PPP2R5E: variants seen among roughly 807,000 people sequenced by gnomAD.
The protein encoded by PPP2R5E is serine/threonine-protein phosphatase 2A 56 kDa regulatory subunit epsilon isoform.
PPP2R5E carries 4 observed loss-of-function variants against 65.3 expected under a neutral mutation model. The ratio of observed to expected loss-of-function variants is 0.06; its 90% CI spans 0.03 to 0.14. The LOEUF (loss-of-function observed/expected upper bound fraction) is 0.14. PPP2R5E is among the 10% of genes least tolerant of loss of function. The probability of loss-of-function intolerance (pLI) is 1.00; values close to 1 mark genes in which losing one functional copy is unlikely to be tolerated. For synonymous variants in PPP2R5E, 183 were observed against 187.4 expected, an observed-to-expected ratio of 0.98 and a Z score of 0.19; for missense variants, 274 against 556.1, an observed-to-expected ratio of 0.49 and a Z score of 5.10.
rs17825081 is a variant in PPP2R5E at position 63,459,402 on chromosome 14, G to A, written c.158-5517C>T. Among the ~76,000 whole-genome samples, 1,227 of 152,204 alleles carry A rather than the reference G, an allele frequency of 8.1e-3. 45 individuals are homozygous for A. In the East Asian group the frequency reaches 0.11, roughly 14 times the overall value. On this transcript the variant is annotated intron_variant, in intron 2 of 13. Transcript: ENST00000337537. The stretch of plus-strand genomic sequence containing the variant: ...TTGCTTTTGACACCAGTAAATCACA[G>A]ATATAACCAACAATATTTCCTCAAA...
At chr14:63,455,556 C>G (rs1422149841) in intron 2 of PPP2R5E, among the ~76,000 whole-genome samples, 1 of 152,086 alleles carries the variant, frequency 6.6e-6, no homozygotes, top group African/African-American at 2.4e-5. Flanking sequence ...CCTATGCCCC[C>G]CTGGATTTAA....
intron 2 of PPP2R5E, among the ~76,000 whole-genome samples, chr14:63,495,256 G>T (rs1891491084): frequency 6.8e-6 from 1 of 147,544 alleles, no homozygotes; most frequent in Non-Finnish European, 1.5e-5. Context: ...GAGAGAAAGA[G>T]TACAGTACTA....
At chr14:63,521,914 G>A (rs1405433422) in intron 2 of PPP2R5E, among the ~76,000 whole-genome samples, 1 of 151,798 alleles carries the variant, frequency 6.6e-6, no homozygotes, top group East Asian at 1.9e-4. Flanking sequence ...AGAGGCTGAA[G>A]TGAAGTTACA....
At chr14:63,525,501 G>A (rs1300464979) in intron 2 of PPP2R5E, among the ~76,000 whole-genome samples, 1 of 152,226 alleles carries the variant, frequency 6.6e-6, no homozygotes. Flanking sequence ...TCTACAGAGA[G>A]AGATGACAAA....
chr14:63,471,823 C>G (rs551480959), intron 2 of PPP2R5E, among the ~76,000 whole-genome samples: 5 of 152,168 alleles, frequency 3.3e-5, no homozygotes, highest in Non-Finnish European at 7.3e-5. Flanking sequence ...CATCTAATAT[C>G]TACAACGTAC....
chr14:63,399,601 T>C (rs1885630181), intron 5 of PPP2R5E, among the ~76,000 whole-genome samples: 1 of 151,890 alleles, frequency 6.6e-6, no homozygotes, highest in Non-Finnish European at 1.5e-5. Flanking sequence ...AACCACTAAA[T>C]TGGAAACTTT....
rs375854602 is a variant in PPP2R5E, at chr14:63,389,701, A to G, written c.985T>C (p.Leu329=). 16 of 1,610,050 alleles carry G rather than the reference A, an allele frequency of 9.9e-6. No individual in the cohort carries two copies. Among genetic ancestry groups the G allele is most frequent in the African/African-American group, 1.3e-5 (1 of 74,722 alleles). The change falls in exon 11 of 14, where the codon TTG becomes CTG. Residue 329 remains leucine, a synonymous_variant. Coordinates refer to ENST00000337537, the MANE Select transcript of PPP2R5E (RefSeq NM_006246.5). The part of the protein sequence containing the change: ...VMFLGELEEI[L]DVIEPSQFVK... ...AATTGTGAAGGTTCAATCACATCCAATATTTCTTCCAGTTCCCCAAGGAAC... is the reference window on the plus strand; with the variant it reads ...AATTGTGAAGGTTCAATCACATCCAGTATTTCTTCCAGTTCCCCAAGGAAC...
At chr14:63,514,116 C>T (rs377515508) in intron 2 of PPP2R5E, among the ~76,000 whole-genome samples, 9 of 152,270 alleles carry the variant, frequency 5.9e-5, no homozygotes, top group African/African-American at 2.2e-4. Flanking sequence ...CAAGACTGCA[C>T]CAAAAGTCAC....
At chr14:63,464,540 G>A (rs1490654422) in intron 2 of PPP2R5E, among the ~76,000 whole-genome samples, 3 of 152,186 alleles carry the variant, frequency 2.0e-5, no homozygotes, top group Admixed American at 2.0e-4. Context: ...GGAGTGGAAA[G>A]TGGGGAAGAA....
intron 2 of PPP2R5E, among the ~76,000 whole-genome samples, chr14:63,504,587 A>C (rs1458170567): frequency 2.6e-5 from 4 of 152,196 alleles, no homozygotes; most frequent in Admixed American, 6.5e-5. Context: ...ACCTCAAAAA[A>C]AGAGGAAAAA....
At chr14:63,527,340 T>C (rs1893222086) in intron 2 of PPP2R5E, among the ~76,000 whole-genome samples, 1 of 152,234 alleles carries the variant, frequency 6.6e-6, no homozygotes, top group Admixed American at 6.5e-5. Flanking sequence ...CCATAAGAAC[T>C]AGTTTCTCCT....
At chr14:63,523,088 G>C (rs556286616) in intron 2 of PPP2R5E, among the ~76,000 whole-genome samples, 2 of 149,110 alleles carry the variant, frequency 1.3e-5, no homozygotes, top group African/African-American at 5.0e-5. Context: ...GGGAGGTGGG[G>C]GGGTCAGCCC....
chr14:63,380,033 C>T (rs1422856608), intron 13 of PPP2R5E, among the ~76,000 whole-genome samples: 7 of 151,586 alleles, frequency 4.6e-5, no homozygotes, highest in African/African-American at 1.2e-4. Flanking sequence ...CAGGGTTTCA[C>T]CATTCGGCCA....
intron 3 of PPP2R5E, among the ~76,000 whole-genome samples, chr14:63,445,879 G>A (rs1022141032): frequency 6.6e-6 from 1 of 151,552 alleles, no homozygotes; most frequent in East Asian, 1.9e-4. Flanking sequence ...TTGTGGCTTC[G>A]ATTGACTCTT....
chr14:63,522,369 G>A (rs1411089605), intron 2 of PPP2R5E, among the ~76,000 whole-genome samples: 17 of 150,972 alleles, frequency 1.1e-4, no homozygotes, highest in Admixed American at 3.3e-4. Context: ...CCGCCACCCC[G>A]TCTGGGAAGT....
At chr14:63,491,001 G>C (rs140748229) in intron 2 of PPP2R5E, among the ~76,000 whole-genome samples, 38 of 150,560 alleles carry the variant, frequency 2.5e-4, no homozygotes, top group African/African-American at 9.3e-4. Context: ...CAGTGGACTG[G>C]ATAAAAAAAA....
intron 2 of PPP2R5E, among the ~76,000 whole-genome samples, chr14:63,485,615 T>C (rs1400769611): frequency 2.0e-5 from 3 of 151,822 alleles, no homozygotes; most frequent in South Asian, 2.1e-4. Flanking sequence ...GGTTTCTCCA[T>C]GTTGGTCAGG....
intron 5 of PPP2R5E, among the ~76,000 whole-genome samples, chr14:63,401,361 G>A (rs1222099248): frequency 1.3e-5 from 2 of 152,128 alleles, no homozygotes; most frequent in African/African-American, 4.8e-5. Context: ...ATGCCTAAGT[G>A]GACTGTGCCA....
At chr14:63,390,961 G>A (rs1884984046) in intron 10 of PPP2R5E, among the ~76,000 whole-genome samples, 1 of 152,202 alleles carries the variant, frequency 6.6e-6, no homozygotes, top group Non-Finnish European at 1.5e-5. Context: ...ACAAATGATT[G>A]TAGGCCTGAA....
Sources: allele counts gnomAD v4.1 joint callset (sites outside exome capture counted in the v4.1 genomes callset), GRCh38; gene constraint gnomAD v4.1.1; transcripts MANE v1.5; gene names NCBI Gene and HGNC (gene_info 2026-07-23, HGNC 2026-07-21).